Variants in FRMD4B observed in about 807,000 individuals in gnomAD.
FRMD4B encodes the protein FERM domain containing 4B.
A neutral mutation model predicts 141.5 loss-of-function variants in FRMD4B; 74 were observed. The observed-to-expected ratio is 0.52, with a 90% CI of 0.43 to 0.63. FRMD4B has a LOEUF of 0.63. FRMD4B is among the 30% of genes least tolerant of loss of function. FRMD4B has a pLI of 0.00. For synonymous variants in FRMD4B, 506 were observed against 467.9 expected (o/e 1.08, Z -1.05); for missense variants, 1,366 against 1,253.4 (o/e 1.09, Z -1.36).
intron 5 of FRMD4B, among the ~76,000 whole-genome samples, chr3:69,256,915 C>T (rs2093496724): frequency 6.6e-6 from 1 of 152,170 alleles, no homozygotes; most frequent in African/African-American, 2.4e-5. Context: ...CCCATTCATT[C>T]TTCTAGATCA....
At chr3:69,366,732 T>G (rs1434852448) in intron 1 of FRMD4B, among the ~76,000 whole-genome samples, 1 of 152,102 alleles carries the variant, frequency 6.6e-6, no homozygotes, top group Non-Finnish European at 1.5e-5. Context: ...TCAATAGTAT[T>G]CATATCAATA....
At chr3:69,294,994 C>A (rs1308713053) in intron 4 of FRMD4B, among the ~76,000 whole-genome samples, 1 of 152,206 alleles carries the variant, frequency 6.6e-6, no homozygotes, top group South Asian at 2.1e-4. Context: ...AAGGCTGTGA[C>A]AGAAACTTGA....
chr3:69,457,250 T>C (rs1705634234), intron 1 of FRMD4B, among the ~76,000 whole-genome samples: 1 of 152,212 alleles, frequency 6.6e-6, no homozygotes, highest in Admixed American at 6.5e-5. Context: ...GATGGTTATA[T>C]TTTTGTAATG....
At chr3:69,478,820 T>A (rs961937131) in intron 1 of FRMD4B, among the ~76,000 whole-genome samples, 13 of 151,928 alleles carry the variant, frequency 8.6e-5, no homozygotes, top group Admixed American at 7.9e-4. Flanking sequence ...AAGTCTCCCA[T>A]TATTATTGTG....
chr3:69,353,936 G>A (rs186245218), intron 1 of FRMD4B, among the ~76,000 whole-genome samples: 1 of 152,280 alleles, frequency 6.6e-6, no homozygotes, highest in Admixed American at 6.5e-5. Context: ...AAACTTCCTT[G>A]ATAATGCAAG....
chr3:69,496,768 G>C (rs75076929), intron 1 of FRMD4B, among the ~76,000 whole-genome samples: 24,144 of 151,598 alleles, frequency 0.16, 2,000 homozygotes, highest in South Asian at 0.24. Flanking sequence ...AGCCAATAAA[G>C]TCCACCTTTT....
chr3:69,274,648 A>G (rs568042206), intron 5 of FRMD4B, among the ~76,000 whole-genome samples: 1 of 152,192 alleles, frequency 6.6e-6, no homozygotes, highest in Non-Finnish European at 1.5e-5. Flanking sequence ...TCTCCCAAGT[A>G]GCTGGGACTA....
At position 69,495,984 on chromosome 3, in the gene FRMD4B, A is replaced by G. The variant is rs2107041653; in HGVS notation, c.-129+46222T>C. ...TATGAGTATATGGTTTGCAGCCTGG[A>G]CAAAAACCTTTTTGGGTCTGACCTG... On this transcript the variant is annotated intron_variant, in intron 1 of 5. Transcript: ENST00000459638. Among the ~76,000 whole-genome samples, 3 of 152,250 alleles carry G rather than the reference A, an allele frequency of 2.0e-5. No homozygotes were observed. In the Middle Eastern group the frequency reaches 0.01, roughly 518 times the overall value.
intron 1 of FRMD4B, among the ~76,000 whole-genome samples, chr3:69,373,524 T>C (rs1041467997): frequency 3.9e-5 from 6 of 152,146 alleles, no homozygotes; most frequent in Non-Finnish European, 7.4e-5. Context: ...TTAAATAAAA[T>C]GGTGAATACA....
At chr3:69,441,373 T>C (rs1190569117) in intron 1 of FRMD4B, among the ~76,000 whole-genome samples, 2 of 152,196 alleles carry the variant, frequency 1.3e-5, no homozygotes, top group African/African-American at 4.8e-5. Flanking sequence ...GGCTGTGTTT[T>C]TTCTGGAATC....
At chr3:69,430,399 T>C (rs1243119896) in intron 2 of FRMD4B, among the ~76,000 whole-genome samples, 1 of 152,198 alleles carries the variant, frequency 6.6e-6, no homozygotes, top group African/African-American at 2.4e-5. Flanking sequence ...ATAGTTTCAA[T>C]ATTGCTCCTG....
At chr3:69,226,389 A>C (rs928099745) in intron 7 of FRMD4B, among the ~76,000 whole-genome samples, 1 of 151,408 alleles carries the variant, frequency 6.6e-6, no homozygotes, top group Non-Finnish European at 1.5e-5. Flanking sequence ...TTTTCTTAAT[A>C]ATCTCTCTTA....
chr3:69,417,491 A>T (rs965362265), intron 2 of FRMD4B, among the ~76,000 whole-genome samples: 3 of 152,160 alleles, frequency 2.0e-5, no homozygotes, highest in Non-Finnish European at 4.4e-5. Flanking sequence ...CCCATTCTGT[A>T]GGTTGCCTGT....
At position 69,171,800 on chromosome 3, in the gene FRMD4B, A is replaced by G. The variant is rs1248622820; in HGVS notation, c.*61T>C. On this transcript the variant is annotated 3_prime_UTR_variant, in exon 23 of 23. Coordinates refer to ENST00000398540, the MANE Select transcript of FRMD4B (RefSeq NM_015123.3). Reference sequence around the variant, plus strand: ...ACGAACATCCTCTCGGAAGACAAATACAATTTGCAAGGCACACTAGTGTGA... The same window carrying G: ...ACGAACATCCTCTCGGAAGACAAATGCAATTTGCAAGGCACACTAGTGTGA... The G allele has an allele frequency of 6.5e-7, 1 of 1,543,526 alleles. No homozygotes were observed. Among genetic ancestry groups the G allele is most frequent in the Non-Finnish European group, 8.9e-7 (1 of 1,124,594 alleles).
At chr3:69,318,072 A>G (rs1701865116) in intron 1 of FRMD4B, among the ~76,000 whole-genome samples, 1 of 152,158 alleles carries the variant, frequency 6.6e-6, no homozygotes, top group African/African-American at 2.4e-5. Context: ...CCTGGGCTCA[A>G]GTGATCCTCC....
intron 1 of FRMD4B, among the ~76,000 whole-genome samples, chr3:69,518,853 TG>T (rs1700807524): frequency 6.6e-6 from 1 of 152,240 alleles, no homozygotes. Flanking sequence ...GATAAGGTTC[TG>T]GTTCCTCTGA....
intron 1 of FRMD4B, among the ~76,000 whole-genome samples, chr3:69,520,548 C>T (rs1262892567): frequency 6.6e-6 from 1 of 151,712 alleles, no homozygotes; most frequent in African/African-American, 2.4e-5. Flanking sequence ...CTCTTTCTAT[C>T]CTGGGGCTTG....
chr3:69,323,427 G>A (rs1223943843), intron 1 of FRMD4B, among the ~76,000 whole-genome samples: 1 of 151,378 alleles, frequency 6.6e-6, no homozygotes, highest in East Asian at 2.0e-4. Context: ...AAATTAGCTC[G>A]GCATGGTAGC....
chr3:69,465,629 G>C (rs1705770442), intron 1 of FRMD4B, among the ~76,000 whole-genome samples: 1 of 151,540 alleles, frequency 6.6e-6, no homozygotes, highest in Admixed American at 6.6e-5. Flanking sequence ...CTATGAGTAA[G>C]AATATGTGGT....
Sources: allele counts gnomAD v4.1 joint callset (sites outside exome capture counted in the v4.1 genomes callset), GRCh38; gene constraint gnomAD v4.1.1; transcripts MANE v1.5; gene names NCBI Gene and HGNC (gene_info 2026-07-23, HGNC 2026-07-21).